The following SIRT5 variants were observed in gnomAD, a reference collection of about 807,000 sequenced individuals.
SIRT5 encodes the protein sirtuin 5.
Under a neutral mutation model 40.0 loss-of-function variants are expected in SIRT5, and 26 were observed. That is an observed-to-expected ratio of 0.65 (90% CI 0.48 to 0.90). The LOEUF (loss-of-function observed/expected upper bound fraction) is 0.90. Among genes scored for constraint, SIRT5 ranks in the 40% least tolerant of loss-of-function variants. The pLI, the probability that SIRT5 is intolerant of heterozygous loss-of-function variation, is 0.00. For missense variants in SIRT5, 401 were observed against 402.4 expected, an observed-to-expected ratio of 1.00 and a Z score of 0.03; for synonymous variants, 146 against 149.1, an observed-to-expected ratio of 0.98 and a Z score of 0.15.
intron 7 of SIRT5, among the ~76,000 whole-genome samples, chr6:13,598,306 C>T (rs1192703226): frequency 1.3e-5 from 2 of 152,132 alleles, no homozygotes; most frequent in East Asian, 3.9e-4. Context: ...TAGTAATGGA[C>T]ACAGGAAAGC....
In SIRT5 at chr6:13,591,772, A is replaced by G. The variant is rs1243439807; in HGVS notation, c.353A>G (p.His118Arg). 10 of 1,613,940 alleles carry G rather than the reference A, an allele frequency of 6.2e-6. No homozygotes were observed. The highest frequency in any genetic ancestry group is 8.5e-6 in the Non-Finnish European group (10 of 1,179,890). ...VMGSKEPNAG[H>R]RAIAECETRL... ...GGGAGCAAGGAGCCCAACGCCGGGC[A>G]CCGCGCCATAGCCGAGTGTGAGACC... The change falls in exon 5 of 10, where the codon CAC becomes CGC. Residue 118 changes from histidine to arginine, a missense_variant. His to Arg is a conservative substitution (Grantham distance 29, BLOSUM62 0). Transcript: ENST00000606117.
At chr6:13,581,952 C>T (rs548311445) in intron 2 of SIRT5, among the ~76,000 whole-genome samples, 2 of 152,330 alleles carry the variant, frequency 1.3e-5, no homozygotes, top group East Asian at 3.9e-4. Flanking sequence ...TTCATTCCTT[C>T]CACCTTTTAG....
intron 7 of SIRT5, among the ~76,000 whole-genome samples, chr6:13,598,825 C>CAA (rs368964409): frequency 0.043 from 2,012 of 46,266 alleles, 36 homozygotes; most frequent in Non-Finnish European, 0.073. Flanking sequence ...GACTCCGTCT[C>CAA]AAAAAAAAAA....
chr6:13,598,079 G>A lies in SIRT5; in HGVS notation c.618-953G>A, dbSNP rs190882352. 2.0e-5 allele frequency among the ~76,000 whole-genome samples: 3 copies of A among 152,308 alleles called. No homozygotes were observed. In the East Asian group the frequency reaches 5.8e-4, roughly 29 times the overall value. The stretch of plus-strand genomic sequence containing the variant: ...AAGTGGTTGTAATACGTATGTTAAT[G>A]CTTTACTGGCTTATTTAACCACAGA... On this transcript the variant is annotated intron_variant, in intron 7 of 9. Transcript: ENST00000606117.
At chr6:13,583,289 CTTTTTTTTTTTTT>C (rs765557886) in intron 2 of SIRT5, among the ~76,000 whole-genome samples, 1 of 100,536 alleles carries the variant, frequency 9.9e-6, no homozygotes, top group Non-Finnish European at 2.0e-5. Flanking sequence ...CTTCTTTGTT[CTTTTTTTTTTTTT>C]TTTTTTTTTG....
chr6:13,593,039 G>T (rs1325132349), intron 5 of SIRT5, among the ~76,000 whole-genome samples: 1 of 151,446 alleles, frequency 6.6e-6, no homozygotes, highest in East Asian at 1.9e-4. Context: ...TCAGCCTCCA[G>T]AGTAGCTGGG....
chr6:13,579,050 C>T (rs1759005997), intron 1 of SIRT5, among the ~76,000 whole-genome samples: 1 of 152,146 alleles, frequency 6.6e-6, no homozygotes, highest in Non-Finnish European at 1.5e-5. Flanking sequence ...CTCTAACTGT[C>T]ACAATGGTGC....
chr6:13,582,817 C>T lies in SIRT5; in HGVS notation c.-35-1259C>T, dbSNP rs78771238. Among the ~76,000 whole-genome samples the T allele has an allele frequency of 7.6e-3, 1,156 of 152,234 alleles. 7 individuals are homozygous for T. Among genetic ancestry groups the T allele is most frequent in the African/African-American group, 0.026 (1,075 of 41,522 alleles). On this transcript the variant is annotated intron_variant, in intron 2 of 9. Coordinates refer to ENST00000606117, the MANE Select transcript of SIRT5 (RefSeq NM_012241.5). Reference sequence around the variant, plus strand: ...TTTACTGAATGTGCCTTAAGATCCACGAGTTTCTGTGACACGATGTTATCT... The same window carrying T: ...TTTACTGAATGTGCCTTAAGATCCATGAGTTTCTGTGACACGATGTTATCT...
chr6:13,591,588 G>T, intron 4 of SIRT5, 81 bp from the exon 5 acceptor site: 1 of 1,210,688 alleles, frequency 8.3e-7, no homozygotes. Context: ...CTCTGCCTTA[G>T]GGAGGAAGGG....
In SIRT5 at chr6:13,607,948, CG is replaced by C. The variant is rs1423511683; in HGVS notation, c.858-3839del. ...TTTTGTATTTTTTTTTTAGTAGAGA[CG>C]GGTTTTCACCACATTGCCCAGGCTG... On this transcript the variant is annotated intron_variant, in intron 9 of 9. Transcript: ENST00000606117. This position sits in a 1 kb window ranked among gnomAD's most constrained non-coding sequence, Gnocchi z 4.0. Among the ~76,000 whole-genome samples the C allele has an allele frequency of 1.3e-5, 2 of 151,944 alleles. No individual in the cohort carries two copies. Among genetic ancestry groups the C allele is most frequent in the Non-Finnish European group, 2.9e-5 (2 of 68,004 alleles).
Position 13,611,818 on chromosome 6 carries a change from A to T in SIRT5, c.886A>T (p.Thr296Ser). Residue 296 changes from threonine (T) to serine (S), a missense_variant, in exon 10 of 10, where the codon ACT (threonine) becomes TCT (serine). Coordinates refer to ENST00000606117, the MANE Select transcript of SIRT5 (RefSeq NM_012241.5). ...RFHFQGPCGT[T>S]LPEALACHEN... ...TCATTTCCAGGGACCCTGTGGAACG[A>T]CTCTTCCTGAAGCCCTTGCCTGTCA... 1 of 1,613,754 alleles carries T rather than the reference A, an allele frequency of 6.2e-7. No homozygotes were observed.
In SIRT5 at chr6:13,591,050, T is replaced by C. The variant is rs543811872; in HGVS notation, c.250-619T>C. Among the ~76,000 whole-genome samples the C allele has an allele frequency of 2.8e-3, 423 of 151,986 alleles. 2 individuals are homozygous for C. The highest frequency in any genetic ancestry group is 9.8e-3 in the African/African-American group (406 of 41,482). On this transcript the variant is annotated intron_variant, in intron 4 of 9. Coordinates refer to ENST00000606117, the MANE Select transcript of SIRT5 (RefSeq NM_012241.5). ...GTATCTTTAGTGTGTGTAGTATATG[T>C]AGTTGTGTGTGTGTCTAGTTGTGTG...
rs549530994 is a variant in SIRT5, at chr6:13,602,717, C to G, written c.857+1768C>G. Among the ~76,000 whole-genome samples the G allele has an allele frequency of 2.0e-5, 3 of 152,278 alleles. No individual in the cohort carries two copies. The East Asian group carries it at 5.8e-4, about 29-fold the overall frequency. ...ATACAGTCTTTTTCAAGAAATAGTGCTGGATACCCACATGCAAAAGAATAA... is the reference window on the plus strand; with the variant it reads ...ATACAGTCTTTTTCAAGAAATAGTGGTGGATACCCACATGCAAAAGAATAA... On this transcript the variant is annotated intron_variant, in intron 9 of 9. Transcript: ENST00000606117.
At chr6:13,590,853 G>C (rs1479292789) in intron 4 of SIRT5, among the ~76,000 whole-genome samples, 1 of 151,600 alleles carries the variant, frequency 6.6e-6, no homozygotes, top group Non-Finnish European at 1.5e-5. Flanking sequence ...CATGTGTGCA[G>C]TTGTGTGTGT....
At chr6:13,584,251 C>G (rs1759761340) in intron 3 of SIRT5, 26 bp downstream of exon 3, 1 of 1,520,020 alleles carries the variant, frequency 6.6e-7, no homozygotes. Context: ...CATTGCCTCA[C>G]CTGCAGCCAA....
chr6:13,582,302 G>C (rs546104592), intron 2 of SIRT5, among the ~76,000 whole-genome samples: 1 of 152,198 alleles, frequency 6.6e-6, no homozygotes, highest in Admixed American at 6.5e-5. Context: ...ATGCAAGAAA[G>C]TTAAGGTATA....
intron 9 of SIRT5, chr6:13,605,823 C>T (rs906265758): frequency 7.1e-6 from 7 of 985,340 alleles, no homozygotes; most frequent in Non-Finnish European, 8.4e-6. Flanking sequence ...ATGGGACTGT[C>T]GCTGCAGGGA....
rs532709463 is a variant in SIRT5, at chr6:13,574,643, C to T, written c.-296C>T. The T allele has an allele frequency of 7.2e-5, 11 of 152,490 alleles. No individual in the cohort carries two copies. In the East Asian group the frequency reaches 1.9e-3, roughly 27 times the overall value. 9.4% of individuals were successfully genotyped at this position (152,490 alleles called of 1,614,324 possible). Reference sequence around the variant, plus strand: ...GCCCCAGGTGAGCCGTGGCTCAGGTCCGGAGCGCGGTCGGGACACAGCGCC... The same window carrying T: ...GCCCCAGGTGAGCCGTGGCTCAGGTTCGGAGCGCGGTCGGGACACAGCGCC... On this transcript the variant is annotated 5_prime_UTR_variant, in exon 1 of 10. Coordinates refer to ENST00000606117, the MANE Select transcript of SIRT5 (RefSeq NM_012241.5).
intron 6 of SIRT5, among the ~76,000 whole-genome samples, chr6:13,596,027 G>C (rs928446035): frequency 6.6e-6 from 1 of 152,040 alleles, no homozygotes; most frequent in African/African-American, 2.4e-5. Flanking sequence ...ACTAAATATA[G>C]CCATGTGATA....
Sources: gnomAD v4.1 joint callset for allele counts (sites outside exome capture counted in the v4.1 genomes callset) on GRCh38, gnomAD v4.1.1 for gene constraint, Gnocchi (gnomAD v3.1) non-coding constraint, MANE v1.5 for transcripts, NCBI Gene and HGNC (gene_info 2026-07-23, HGNC 2026-07-21) for gene names.